The following DIPK1A variants were observed in gnomAD, a reference collection of about 807,000 sequenced individuals.
DIPK1A encodes the protein family with sequence similarity 69 member A.
DIPK1A carries 27 observed loss-of-function variants against 40.8 expected under a neutral mutation model. That is an observed-to-expected ratio of 0.66 (90% CI 0.49 to 0.91). DIPK1A has a LOEUF of 0.91. Among genes scored for constraint, DIPK1A ranks in the 40% least tolerant of loss-of-function variants. The pLI, the probability that DIPK1A is intolerant of heterozygous loss-of-function variation, is 0.00. For missense variants in DIPK1A, 412 were observed against 505.7 expected, an observed-to-expected ratio of 0.81 and a Z score of 1.78; for synonymous variants, 166 against 171.3, an observed-to-expected ratio of 0.97 and a Z score of 0.24.
intron 4 of DIPK1A, among the ~76,000 whole-genome samples, chr1:92,846,819 A>ATGTGTG (rs1469977398): frequency 0.014 from 56 of 3,956 alleles, 9 homozygotes; most frequent in African/African-American, 0.065. Flanking sequence ...ATATATATAT[A>ATGTGTG]TATATATATA....
chr1:92,856,708 C>T (rs573835369), intron 2 of DIPK1A, among the ~76,000 whole-genome samples: 5 of 152,046 alleles, frequency 3.3e-5, no homozygotes, highest in Admixed American at 1.3e-4. Context: ...TGAACCACTG[C>T]GCCAGGTCTT....
At chr1:92,847,926 G>A (rs1687691611) in intron 3 of DIPK1A, among the ~76,000 whole-genome samples, 1 of 152,086 alleles carries the variant, frequency 6.6e-6, no homozygotes, top group African/African-American at 2.4e-5. Flanking sequence ...TTGTAGAGAT[G>A]GGGTCTTGCT....
downstream of DIPK1A, among the ~76,000 whole-genome samples, chr1:92,838,129 C>G (rs561974343): frequency 5.3e-5 from 8 of 152,260 alleles, no homozygotes; most frequent in African/African-American, 1.9e-4. Context: ...GACCCAGGTT[C>G]TTTTTCGTTA....
At chr1:92,955,299 A>G (rs1256434335) in intron 1 of DIPK1A, among the ~76,000 whole-genome samples, 1 of 152,262 alleles carries the variant, frequency 6.6e-6, no homozygotes, top group Non-Finnish European at 1.5e-5. Context: ...CTGAATGTAC[A>G]ACACAAAGAA....
intron 1 of DIPK1A, chr1:92,931,313 A>AC (rs1236667672): frequency 9.3e-6 from 2 of 216,148 alleles, no homozygotes; most frequent in African/African-American, 4.6e-5. Flanking sequence ...CCATGTGCAG[A>AC]CCCCATCATT....
At chr1:92,928,170 T>C (rs1273217912) in intron 1 of DIPK1A, among the ~76,000 whole-genome samples, 1 of 152,232 alleles carries the variant, frequency 6.6e-6, no homozygotes, top group Non-Finnish European at 1.5e-5. Flanking sequence ...TGAACTAGTA[T>C]TTTGTGGGCC....
In DIPK1A at chr1:92,959,902, A is replaced by ATTTTTTTTTTTTT. The variant is rs1557502636; in HGVS notation, c.54+1473_54+1474insAAAAAAAAAAAAA. 5.6e-3 allele frequency among the ~76,000 whole-genome samples: 240 copies of ATTTTTTTTTTTTT among 43,076 alleles called. 14 individuals are homozygous for ATTTTTTTTTTTTT. Among genetic ancestry groups the ATTTTTTTTTTTTT allele is most frequent in the Non-Finnish European group, 6.1e-3 (158 of 26,064 alleles). The allele number at this position is 43,076 out of a possible 152,430, so 28.3% of individuals were successfully genotyped here. ...AGCTGGGACCACAGGCACCCAACCA[A>ATTTTTTTTTTTTT]CTTTTTTTTTTTTTTTTTTTTTTTT... is the stretch of plus-strand genomic sequence containing the variant. On this transcript the variant is annotated intron_variant, in intron 1 of 4. Coordinates refer to ENST00000370310, the MANE Select transcript of DIPK1A (RefSeq NM_001006605.5).
At chr1:92,886,471 C>A (rs1208673532) in intron 1 of DIPK1A, among the ~76,000 whole-genome samples, 1 of 152,054 alleles carries the variant, frequency 6.6e-6, no homozygotes, top group Admixed American at 6.5e-5. Flanking sequence ...TATGCGTGAG[C>A]CACTGTACCC....
intron 1 of DIPK1A, among the ~76,000 whole-genome samples, chr1:92,952,937 A>G (rs1408552414): frequency 2.0e-5 from 3 of 152,194 alleles, no homozygotes; most frequent in African/African-American, 7.2e-5. Context: ...CTCTGATACT[A>G]TGCTACATCT....
At chr1:92,840,571 A>C, downstream of DIPK1A, 2 of 1,613,216 alleles carry the variant, frequency 1.2e-6, no homozygotes, top group Non-Finnish European at 1.7e-6. Flanking sequence ...TGTATAAGAA[A>C]GCTCATGCTG....
intron 1 of DIPK1A, among the ~76,000 whole-genome samples, chr1:92,905,016 T>C (rs1393576104): frequency 6.6e-6 from 1 of 152,150 alleles, no homozygotes; most frequent in Non-Finnish European, 1.5e-5. Flanking sequence ...TAGTACTCCA[T>C]TGTGTATATG....
At chr1:92,937,472 C>T (rs1016457562) in intron 1 of DIPK1A, among the ~76,000 whole-genome samples, 1 of 152,126 alleles carries the variant, frequency 6.6e-6, no homozygotes, top group Non-Finnish European at 1.5e-5. Context: ...GAAATCCCCA[C>T]ATGCTTTATT....
At chr1:92,837,918 C>CTTCACTTAT, downstream of DIPK1A, 1 of 422,020 alleles carries the variant, frequency 2.4e-6, no homozygotes, top group Admixed American at 3.8e-5. Flanking sequence ...AGATAATAAA[C>CTTCACTTAT]TTCACTTATT....
At chr1:92,960,812 G>A (rs893091617) in intron 1 of DIPK1A, among the ~76,000 whole-genome samples, 2 of 152,314 alleles carry the variant, frequency 1.3e-5, no homozygotes, top group East Asian at 1.9e-4. Flanking sequence ...CAACCAAGGG[G>A]CTCGGCACGA....
At chr1:92,894,965 A>G (rs1271740504) in intron 1 of DIPK1A, among the ~76,000 whole-genome samples, 1 of 152,084 alleles carries the variant, frequency 6.6e-6, no homozygotes, top group Non-Finnish European at 1.5e-5. Flanking sequence ...AAGAAGTTGA[A>G]TCCCTGAATA....
chr1:92,898,783 G>A (rs1016133963), intron 1 of DIPK1A, among the ~76,000 whole-genome samples: 2 of 151,886 alleles, frequency 1.3e-5, no homozygotes, highest in African/African-American at 4.8e-5. Context: ...CTTATTTAGA[G>A]ATAGGGTCTC....
At chr1:92,943,261 T>C (rs1459066906) in intron 1 of DIPK1A, among the ~76,000 whole-genome samples, 1 of 152,178 alleles carries the variant, frequency 6.6e-6, no homozygotes, top group Non-Finnish European at 1.5e-5. Flanking sequence ...CAAATGGAAT[T>C]GTGTTGATGG....
rs1571045332 is a variant in DIPK1A, at chr1:92,844,095, T to C, written c.575A>G (p.Lys192Arg). 2 of 1,551,846 alleles carry C rather than the reference T, an allele frequency of 1.3e-6. No homozygotes were observed. The highest frequency in any genetic ancestry group is 1.7e-6 in the Non-Finnish European group (2 of 1,147,026). The change falls in exon 5 of 5, where the codon AAG becomes AGG. Residue 192 changes from lysine (K) to arginine (R), a missense_variant. Coordinates refer to ENST00000370310, the MANE Select transcript of DIPK1A (RefSeq NM_001006605.5). Reference protein sequence around the residue: ...KDGQVSLGEAKSAWALLQLNE... With the variant: ...KDGQVSLGEARSAWALLQLNE... ...CAGTTGAAGAAGTGCCCATGCCGAC[T>C]TTGCTTCTCCCAAGGAAACCTGGCC...
At chr1:92,961,313 C>CCA (rs1191276932) in intron 1 of DIPK1A, 63 bp downstream of exon 1, 2 of 1,297,744 alleles carry the variant, frequency 1.5e-6, no homozygotes, top group Admixed American at 2.4e-5. Context: ...GAGTCCTGCG[C>CCA]GGCGCGGCAG....
Sources: gnomAD v4.1 joint callset for allele counts (sites outside exome capture counted in the v4.1 genomes callset) on GRCh38, gnomAD v4.1.1 for gene constraint, MANE v1.5 for transcripts, NCBI Gene and HGNC (gene_info 2026-07-23, HGNC 2026-07-21) for gene names.